The following NRG4 variants were observed in gnomAD, a reference collection of about 807,000 sequenced individuals.
The protein encoded by NRG4 is neuregulin 4.
NRG4 carries 10 observed loss-of-function variants against 15.0 expected under a neutral mutation model. The ratio of observed to expected loss-of-function variants is 0.67; its 90% CI spans 0.41 to 1.13. NRG4 has a LOEUF of 1.13. Among genes scored for constraint, NRG4 ranks in the 50% most tolerant of loss-of-function variants. The pLI is 0.00. For synonymous variants in NRG4, 41 were observed against 50.1 expected, an observed-to-expected ratio of 0.82 and a Z score of 0.77; for missense variants, 139 against 140.2, an observed-to-expected ratio of 0.99 and a Z score of 0.04.
chr15:76,026,858 C>T (rs1054028924), intron 5 of NRG4, among the ~76,000 whole-genome samples: 4 of 152,142 alleles, frequency 2.6e-5, no homozygotes, highest in Non-Finnish European at 5.9e-5. Context: ...TGTGGTGGCT[C>T]ACGCCTGTAA....
intron 3 of NRG4, among the ~76,000 whole-genome samples, chr15:76,004,254 C>CA (rs2034513764): frequency 1.3e-5 from 2 of 151,848 alleles, no homozygotes; most frequent in African/African-American, 4.8e-5. Context: ...ATGGTAAACA[C>CA]AAAGAAAATA....
At chr15:75,987,745 T>G (rs560596667) in intron 3 of NRG4, among the ~76,000 whole-genome samples, 3 of 152,286 alleles carry the variant, frequency 2.0e-5, no homozygotes, top group Admixed American at 6.5e-5. Context: ...CCAAACTGAT[T>G]AAGTGCTATT....
chr15:75,947,871 C>T (rs896903780), intron 5 of NRG4, among the ~76,000 whole-genome samples: 2 of 152,168 alleles, frequency 1.3e-5, no homozygotes, highest in African/African-American at 2.4e-5. Flanking sequence ...AGTGGTACCT[C>T]ATTGTGGTTT....
At chr15:76,048,290 G>T (rs562179939) in intron 4 of NRG4, among the ~76,000 whole-genome samples, 1 of 150,416 alleles carries the variant, frequency 6.6e-6, no homozygotes, top group Non-Finnish European at 1.5e-5. Context: ...TGGCCAATGT[G>T]GTAAAACCCC....
chr15:75,996,252 G>A (rs58399164), intron 3 of NRG4, among the ~76,000 whole-genome samples: 6,012 of 152,220 alleles, frequency 0.039, 212 homozygotes, highest in African/African-American at 0.094. Flanking sequence ...TGCTGTGAGA[G>A]ATGAGATCCC....
chr15:75,937,146 C>A (rs2030424210), downstream of NRG4: 1 of 151,592 alleles, frequency 6.6e-6, no homozygotes, highest in East Asian at 1.9e-4. Flanking sequence ...ACATAATTGA[C>A]CCCAGCGACA....
intron 5 of NRG4, among the ~76,000 whole-genome samples, chr15:76,024,350 G>A (rs2035244507): frequency 6.6e-6 from 1 of 152,108 alleles, no homozygotes; most frequent in Admixed American, 6.5e-5. Context: ...CACCCAAGAA[G>A]CCACCCACGT....
intron 3 of NRG4, among the ~76,000 whole-genome samples, chr15:75,970,638 A>G (rs2033049090): frequency 6.6e-6 from 1 of 152,238 alleles, no homozygotes; most frequent in Non-Finnish European, 1.5e-5. Context: ...TTCTTTGCCA[A>G]GTTAAACCTT....
intron 4 of NRG4, among the ~76,000 whole-genome samples, chr15:76,050,971 ATTTTTATTTATTTAT>A (rs1166380136): frequency 6.9e-6 from 1 of 144,970 alleles, no homozygotes; most frequent in Non-Finnish European, 1.5e-5. Context: ...ATGCCTGCCT[ATTTTTATTTATTTAT>A]TTATTTATTT....
chr15:76,002,251 G>A (rs334942), intron 3 of NRG4, among the ~76,000 whole-genome samples: 1,802 of 152,192 alleles, frequency 0.012, 36 homozygotes, highest in African/African-American at 0.04. Context: ...AAGAGTAAAC[G>A]TACTAATTGA....
chr15:75,954,447 T>C (rs2032106405), intron 5 of NRG4, among the ~76,000 whole-genome samples: 1 of 96,516 alleles, frequency 1.0e-5, no homozygotes, highest in African/African-American at 3.6e-5. Context: ...TTTTTTTTTT[T>C]GAGACGGAAT....
intron 3 of NRG4, among the ~76,000 whole-genome samples, chr15:75,967,456 A>ATTTTTTTTTTTTTTTTTTTTTT: frequency 1.0e-5 from 1 of 100,180 alleles, no homozygotes; most frequent in Non-Finnish European, 1.9e-5. Flanking sequence ...AAAATCTTAG[A>ATTTTTTTTTTTTTTTTTTTTTT]TTTTTTTTTT....
chr15:75,952,332 A>G (rs2031952508), intron 5 of NRG4, among the ~76,000 whole-genome samples: 1 of 152,182 alleles, frequency 6.6e-6, no homozygotes, highest in South Asian at 2.1e-4. Flanking sequence ...ATGTTATAAA[A>G]TATGTGTTCC....
chr15:75,965,130 C>CT lies in NRG4; in HGVS notation c.105-3157_105-3156insA, dbSNP rs150061477. Reference sequence around the variant, plus strand: ...AGTCCCAGCTACTTGCAGGCTGAGGCAGGAGAATGGCGTGAACCCGGGAGG... The same window carrying CT: ...AGTCCCAGCTACTTGCAGGCTGAGGCTAGGAGAATGGCGTGAACCCGGGAGG... On this transcript the variant is annotated intron_variant, in intron 3 of 5. Coordinates refer to ENST00000394907, the MANE Select transcript of NRG4 (RefSeq NM_138573.4). Among the ~76,000 whole-genome samples the CT allele has an allele frequency of 1.3e-3, 195 of 151,878 alleles. 3 individuals carry two copies. The East Asian group carries it at 0.037, about 29-fold the overall frequency.
chr15:76,033,084 G>A (rs2035512377), intron 5 of NRG4, among the ~76,000 whole-genome samples: 1 of 152,138 alleles, frequency 6.6e-6, no homozygotes, highest in Non-Finnish European at 1.5e-5. Context: ...ATATTAAAGT[G>A]CAAGTCTTAG....
rs1387366850 is a variant in NRG4 at position 75,941,068 on chromosome 15, T to C, written c.*2570A>G. 6.6e-6 allele frequency: 1 copy of C among 152,026 alleles called. No homozygotes were observed. The highest frequency in any genetic ancestry group is 1.5e-5 in the Non-Finnish European group (1 of 67,948). 9.4% of individuals were successfully genotyped at this position (152,026 alleles called of 1,614,324 possible). A position where few individuals can be genotyped will look rare whatever the true frequency, so the allele number is the denominator to read the frequency against. On this transcript the variant is annotated 3_prime_UTR_variant, in exon 6 of 6. Transcript: ENST00000394907. ...ATAAGGATTAAACATCCAGAATACA[T>C]ACAAAACTCCCAAAATGCAACAACA... is the stretch of plus-strand genomic sequence containing the variant.
intron 4 of NRG4, among the ~76,000 whole-genome samples, chr15:76,051,033 T>C (rs1255789492): frequency 3.4e-5 from 5 of 149,008 alleles, no homozygotes; most frequent in Middle Eastern, 3.4e-3. Context: ...TGAGATGGAG[T>C]CTCGCTCTGT....
At chr15:75,999,957 C>A (rs1203150214) in intron 3 of NRG4, among the ~76,000 whole-genome samples, 1 of 152,170 alleles carries the variant, frequency 6.6e-6, no homozygotes, top group Admixed American at 6.5e-5. Flanking sequence ...GATCTCGGCT[C>A]ACTGCAACCT....
chr15:76,031,321 AT>A (rs1054500665), intron 5 of NRG4, among the ~76,000 whole-genome samples: 3 of 152,216 alleles, frequency 2.0e-5, no homozygotes, highest in African/African-American at 7.2e-5. Context: ...AAGAAGTCCA[AT>A]TTCACTATTT....
Sources: gnomAD v4.1 joint callset for allele counts (sites outside exome capture counted in the v4.1 genomes callset) on GRCh38, gnomAD v4.1.1 for gene constraint, MANE v1.5 for transcripts, NCBI Gene and HGNC (gene_info 2026-07-23, HGNC 2026-07-21) for gene names.